TTC23L: variants seen among roughly 807,000 people sequenced by gnomAD.
TTC23L encodes tetratricopeptide repeat protein 23-like.
TTC23L carries 42 observed loss-of-function variants against 48.1 expected under a neutral mutation model. That is an observed-to-expected ratio of 0.87 (90% CI 0.68 to 1.13). The LOEUF (loss-of-function observed/expected upper bound fraction) is 1.13. Among genes scored for constraint, TTC23L ranks in the 50% most tolerant of loss-of-function variants. The probability of loss-of-function intolerance (pLI) is 0.00; values close to 1 mark genes in which losing one functional copy is unlikely to be tolerated. For synonymous variants in TTC23L, 159 were observed against 157.2 expected (o/e 1.01, Z -0.09); for missense variants, 391 against 421.0 (o/e 0.93, Z 0.62).
the TTC23L span, among the ~76,000 whole-genome samples, chr5:34,915,130 A>C: frequency 6.6e-6 from 1 of 152,198 alleles, no homozygotes; most frequent in South Asian, 2.1e-4. Flanking sequence ...TATCTAAGCT[A>C]CGGTTTCCTC....
At chr5:34,893,873 C>T (rs1763030865) in intron 9 of TTC23L, among the ~76,000 whole-genome samples, 1 of 152,146 alleles carries the variant, frequency 6.6e-6, no homozygotes, top group South Asian at 2.1e-4. Context: ...CACGAGGAGA[C>T]ACTTCAAAGA....
chr5:34,900,754 T>C (rs1006332099), downstream of TTC23L, among the ~76,000 whole-genome samples: 1 of 152,248 alleles, frequency 6.6e-6, no homozygotes, highest in Non-Finnish European at 1.5e-5. Context: ...ATATGAGGTT[T>C]ATGGTGCACT....
chr5:34,885,309 A>T (rs1410165204), intron 9 of TTC23L, among the ~76,000 whole-genome samples: 2 of 152,234 alleles, frequency 1.3e-5, no homozygotes, highest in Non-Finnish European at 2.9e-5. Flanking sequence ...TGTAAAGAAC[A>T]TTACTGGAAC....
At chr5:34,898,627 C>T (rs563642754) in intron 10 of TTC23L, among the ~76,000 whole-genome samples, 1 of 152,256 alleles carries the variant, frequency 6.6e-6, no homozygotes, top group African/African-American at 2.4e-5. Flanking sequence ...CTCATTATCT[C>T]CTGGTTTACT....
intron 8 of TTC23L, among the ~76,000 whole-genome samples, chr5:34,870,297 A>G (rs1160422740): frequency 1.3e-5 from 2 of 152,188 alleles, no homozygotes; most frequent in African/African-American, 4.8e-5. Flanking sequence ...GAATTTTTCT[A>G]AGCACACAAA....
chr5:34,899,208 C>T (rs1763412842), intron 10 of TTC23L, among the ~76,000 whole-genome samples, 182 bp from the exon 11 acceptor site: 1 of 152,052 alleles, frequency 6.6e-6, no homozygotes, highest in South Asian at 2.1e-4. Context: ...ATTAGAAGAG[C>T]CAGCATTTTG....
chr5:34,912,537 T>C, the TTC23L span, among the ~76,000 whole-genome samples: 3 of 151,822 alleles, frequency 2.0e-5, no homozygotes, highest in Non-Finnish European at 4.4e-5. Flanking sequence ...AAACGTAAAA[T>C]ACATTTTTCT....
intron 9 of TTC23L, among the ~76,000 whole-genome samples, chr5:34,882,089 G>C (rs556220022): frequency 6.6e-6 from 1 of 152,238 alleles, no homozygotes; most frequent in South Asian, 2.1e-4. Context: ...CAATGCCATG[G>C]GTTGATCTAA....
chr5:34,842,495 G>C (rs1447393394), intron 2 of TTC23L, among the ~76,000 whole-genome samples: 3 of 152,172 alleles, frequency 2.0e-5, no homozygotes, highest in African/African-American at 4.8e-5. Flanking sequence ...GAGTATACTT[G>C]GAAGAAGGGG....
the TTC23L span, among the ~76,000 whole-genome samples, chr5:34,912,104 T>A: frequency 6.6e-6 from 1 of 152,198 alleles, no homozygotes; most frequent in Non-Finnish European, 1.5e-5. Flanking sequence ...ATATGTACAA[T>A]TTCAGGGTAG....
At chr5:34,913,605 G>T in the TTC23L span, 1 of 1,405,238 alleles carries the variant, frequency 7.1e-7, no homozygotes, top group Non-Finnish European at 9.8e-7. Flanking sequence ...AATGAAAATT[G>T]TTACATAAAA....
At position 34,886,514 on chromosome 5, in the gene TTC23L, G is replaced by T. The variant is rs146379538; in HGVS notation, c.1077+6206G>T. ...ACGGGCAGGATCTGCTTTGCCAAAG[G>T]AGAGCCCAGAAAGGCAATTCAGCTG... On this transcript the variant is annotated intron_variant, in intron 9 of 10. Coordinates refer to ENST00000505624, the Ensembl canonical transcript of TTC23L. Among the ~76,000 whole-genome samples the T allele has an allele frequency of 3.9e-5, 6 of 152,288 alleles. No homozygotes were observed. The East Asian group carries it at 1.2e-3, about 29-fold the overall frequency.
At chr5:34,856,901 C>G (rs980987547) in intron 4 of TTC23L, among the ~76,000 whole-genome samples, 11 of 152,132 alleles carry the variant, frequency 7.2e-5, no homozygotes, top group African/African-American at 2.4e-4. Flanking sequence ...GAAGCCAGAT[C>G]CCAGGGATGA....
intron 9 of TTC23L, among the ~76,000 whole-genome samples, chr5:34,894,168 G>A (rs1425774438): frequency 6.6e-6 from 1 of 151,918 alleles, no homozygotes; most frequent in Non-Finnish European, 1.5e-5. Flanking sequence ...CTAAGAATTT[G>A]TCTTTTGAAA....
chr5:34,848,715 A>G (rs1759426988), intron 3 of TTC23L, among the ~76,000 whole-genome samples: 1 of 152,094 alleles, frequency 6.6e-6, no homozygotes, highest in African/African-American at 2.4e-5. Context: ...CTACATTGGA[A>G]GTTAGCTGGT....
intron 3 of TTC23L, among the ~76,000 whole-genome samples, chr5:34,849,814 GCTGT>G (rs1236737017): frequency 3.9e-5 from 6 of 152,146 alleles, no homozygotes; most frequent in Non-Finnish European, 7.4e-5. Context: ...CATTTTTCAT[GCTGT>G]CTGTTTTGTA....
chr5:34,918,140 CAAAAAA>C, the TTC23L span: 4 of 98,508 alleles, frequency 4.1e-5, no homozygotes, highest in Non-Finnish European at 5.5e-5. Context: ...CCCATCTCTA[CAAAAAA>C]AAAAAAAAAA....
At chr5:34,906,166 G>C in the TTC23L span, 6 of 151,932 alleles carry the variant, frequency 3.9e-5, no homozygotes, top group African/African-American at 1.5e-4. Context: ...ATGTTGGCCA[G>C]GCTGATCTCG....
At chr5:34,913,304 C>G in the TTC23L span, among the ~76,000 whole-genome samples, 1 of 151,840 alleles carries the variant, frequency 6.6e-6, no homozygotes, top group Non-Finnish European at 1.5e-5. Flanking sequence ...GAATTATAAA[C>G]ACACTTGCAA....
Sources: gnomAD v4.1 joint callset for allele counts (sites outside exome capture counted in the v4.1 genomes callset) on GRCh38, gnomAD v4.1.1 for gene constraint, MANE v1.5 for transcripts, NCBI Gene and HGNC (gene_info 2026-07-23, HGNC 2026-07-21) for gene names.